Variants in MPPED2 observed in about 807,000 individuals in gnomAD.
The protein encoded by MPPED2 is metallophosphoesterase domain containing 2.
A neutral mutation model predicts 33.0 loss-of-function variants in MPPED2; 5 were observed. The observed-to-expected ratio is 0.15, with a 90% CI of 0.08 to 0.32. MPPED2 has a LOEUF of 0.32. Among genes scored for constraint, MPPED2 ranks in the 10% least tolerant of loss-of-function variants. The pLI is 1.00. For synonymous variants in MPPED2, 136 were observed against 141.9 expected, an observed-to-expected ratio of 0.96 and a Z score of 0.29; for missense variants, 275 against 372.1, an observed-to-expected ratio of 0.74 and a Z score of 2.15.
chr11:30,491,416 T>C (rs1951975538), intron 4 of MPPED2, among the ~76,000 whole-genome samples: 1 of 152,178 alleles, frequency 6.6e-6, no homozygotes, highest in Admixed American at 6.5e-5. Flanking sequence ...GAACTAGGGC[T>C]AAAACTTATC....
intron 6 of MPPED2, among the ~76,000 whole-genome samples, chr11:30,399,038 G>A (rs1200918803): frequency 3.3e-5 from 5 of 151,870 alleles, no homozygotes; most frequent in African/African-American, 4.8e-5. Context: ...ATACCCTGGC[G>A]GCCAGCTCTT....
At position 30,570,236 on chromosome 11, in the gene MPPED2, C is replaced by G. The variant is rs186493749; in HGVS notation, c.128+10010G>C. Among the ~76,000 whole-genome samples, 1,393 of 152,176 alleles carry G rather than the reference C, an allele frequency of 9.2e-3. 27 individuals are homozygous for G. The highest frequency in any genetic ancestry group is 0.05 in the Admixed American group (768 of 15,268). ...GCCCAATTCCCAGGTCACAGGCAGG[C>G]ATCTTTTCACCGTAACCTCATATGA... On this transcript the variant is annotated intron_variant, in intron 2 of 6. Coordinates refer to ENST00000358117, the MANE Select transcript of MPPED2 (RefSeq NM_001584.3).
intron 2 of MPPED2, among the ~76,000 whole-genome samples, chr11:30,545,567 G>A (rs1428031025): frequency 6.6e-6 from 1 of 152,102 alleles, no homozygotes; most frequent in African/African-American, 2.4e-5. Flanking sequence ...GATGAGAAAT[G>A]GCAGCAGTTT....
chr11:30,496,247 G>C (rs1051735171), intron 3 of MPPED2, among the ~76,000 whole-genome samples: 14 of 152,060 alleles, frequency 9.2e-5, no homozygotes, highest in Non-Finnish European at 1.9e-4. Flanking sequence ...GATAATTCTG[G>C]GAAGAAGAAT....
At chr11:30,557,411 CATTT>C (rs1956025582) in intron 2 of MPPED2, among the ~76,000 whole-genome samples, 1 of 151,986 alleles carries the variant, frequency 6.6e-6, no homozygotes, top group East Asian at 1.9e-4. Flanking sequence ...TAGGTATTTT[CATTT>C]ATTCATGACT....
intron 4 of MPPED2, among the ~76,000 whole-genome samples, chr11:30,418,285 A>C (rs922230968): frequency 6.6e-6 from 1 of 152,152 alleles, no homozygotes; most frequent in African/African-American, 2.4e-5. Flanking sequence ...ATCCCTGGTC[A>C]CTCTGGAATC....
intron 2 of MPPED2, among the ~76,000 whole-genome samples, chr11:30,546,558 T>C (rs888614803): frequency 2.0e-5 from 3 of 152,228 alleles, no homozygotes; most frequent in African/African-American, 7.2e-5. Flanking sequence ...GTTTAGTTAA[T>C]TGTGCTTATT....
chr11:30,388,918 T>C, exon 7 of MPPED2: 1 of 1,567,422 alleles, frequency 6.4e-7, no homozygotes, highest in Non-Finnish European at 8.7e-7. Context: ...AGAGAACATA[T>C]TTTTGTCCTC....
At chr11:30,473,277 C>A (rs1951030788) in intron 4 of MPPED2, among the ~76,000 whole-genome samples, 1 of 152,122 alleles carries the variant, frequency 6.6e-6, no homozygotes, top group Non-Finnish European at 1.5e-5. Context: ...TTTCTGTAAT[C>A]ATTTCTGTAC....
chr11:30,391,770 C>T (rs1486212558), intron 6 of MPPED2, among the ~76,000 whole-genome samples: 2 of 152,056 alleles, frequency 1.3e-5, no homozygotes, highest in African/African-American at 4.8e-5. Context: ...TTTATAGAAT[C>T]AAATATCAAT....
At chr11:30,386,798 C>T (rs1050199194) in exon 7 of MPPED2, 18 of 398,394 alleles carry the variant, frequency 4.5e-5, no homozygotes, top group South Asian at 1.3e-4. Flanking sequence ...TGCCTTCACT[C>T]ATATTAGTAG....
At chr11:30,433,195 T>A (rs776941088) in intron 4 of MPPED2, among the ~76,000 whole-genome samples, 1 of 152,210 alleles carries the variant, frequency 6.6e-6, no homozygotes, top group Non-Finnish European at 1.5e-5. Flanking sequence ...TATGGTTAAA[T>A]AAGTTTGAGA....
chr11:30,531,547 C>T (rs954758435), intron 3 of MPPED2, among the ~76,000 whole-genome samples: 1 of 152,192 alleles, frequency 6.6e-6, no homozygotes, highest in African/African-American at 2.4e-5. Flanking sequence ...GTGGGAAATG[C>T]TTGCCCAAAA....
intron 4 of MPPED2, among the ~76,000 whole-genome samples, chr11:30,428,186 T>C (rs1948926431): frequency 6.6e-6 from 1 of 152,216 alleles, no homozygotes; most frequent in African/African-American, 2.4e-5. Flanking sequence ...AGCCACATTA[T>C]TGAGCACCTG....
intron 4 of MPPED2, among the ~76,000 whole-genome samples, chr11:30,457,176 C>T (rs1431414838): frequency 6.6e-6 from 1 of 152,046 alleles, no homozygotes; most frequent in Non-Finnish European, 1.5e-5. Flanking sequence ...GCACATCCAG[C>T]AATGTTCCCT....
chr11:30,445,146 TAAAG>T (rs754318999), intron 4 of MPPED2, among the ~76,000 whole-genome samples: 1 of 151,414 alleles, frequency 6.6e-6, no homozygotes, highest in African/African-American at 2.4e-5. Context: ...GAAAAAAAAA[TAAAG>T]AGAGCAAAAT....
chr11:30,557,693 C>G (rs1956043517), intron 2 of MPPED2, among the ~76,000 whole-genome samples: 1 of 152,168 alleles, frequency 6.6e-6, no homozygotes, highest in Non-Finnish European at 1.5e-5. Flanking sequence ...CTCCCATATT[C>G]CCATTTATAT....
intron 4 of MPPED2, among the ~76,000 whole-genome samples, chr11:30,478,412 G>T (rs767722349): frequency 4.0e-5 from 6 of 151,764 alleles, no homozygotes; most frequent in Admixed American, 6.6e-5. Context: ...GAAAAAGAAG[G>T]CAGGAGATAA....
chr11:30,473,615 C>T (rs1410429870), intron 4 of MPPED2, among the ~76,000 whole-genome samples: 14 of 151,720 alleles, frequency 9.2e-5, no homozygotes, highest in Non-Finnish European at 2.1e-4. Flanking sequence ...TGGATATGAG[C>T]TGGACCTAGT....
Sources: allele counts gnomAD v4.1 joint callset (sites outside exome capture counted in the v4.1 genomes callset), GRCh38; gene constraint gnomAD v4.1.1; transcripts MANE v1.5; gene names NCBI Gene and HGNC (gene_info 2026-07-23, HGNC 2026-07-21).